Variants in TNS3 observed in about 807,000 individuals in gnomAD.
TNS3 encodes the protein tensin-3.
TNS3 carries 45 observed loss-of-function variants against 140.9 expected under a neutral mutation model. The observed-to-expected ratio is 0.32, with a 90% confidence interval of 0.25 to 0.41. The LOEUF (loss-of-function observed/expected upper bound fraction) is 0.41. Among genes scored for constraint, TNS3 ranks in the 10% least tolerant of loss-of-function variants. The pLI is 1.00. For synonymous variants in TNS3, 815 were observed against 788.4 expected (o/e 1.03, Z -0.56); for missense variants, 1,716 against 1,906.7 (o/e 0.90, Z 1.86).
intron 16 of TNS3, among the ~76,000 whole-genome samples, chr7:47,394,165 G>T (rs1223685467): frequency 6.6e-6 from 1 of 152,228 alleles, no homozygotes; most frequent in African/African-American, 2.4e-5. Context: ...ATTCATTCAA[G>T]AAACACGCAT....
chr7:47,398,239 A>C lies in TNS3; in HGVS notation c.920-1335T>G, dbSNP rs192154334. ...CTGAATTCTACCATCCATTCAAAGA[A>C]GAACTGGTGCCAATCCTACTGAACA... On this transcript the variant is annotated intron_variant, in intron 15 of 30. Transcript: ENST00000311160. 3.4e-3 allele frequency among the ~76,000 whole-genome samples: 520 copies of C among 152,294 alleles called. 2 individuals carry two copies. The highest frequency in any genetic ancestry group is 0.012 in the African/African-American group (500 of 41,576).
At chr7:47,435,997 G>C (rs1304810647) in intron 7 of TNS3, among the ~76,000 whole-genome samples, 2 of 152,160 alleles carry the variant, frequency 1.3e-5, no homozygotes, top group Admixed American at 6.5e-5. Context: ...GTCCACAGTG[G>C]CCCACAGTGG....
At chr7:47,516,801 G>T (rs138389823) in intron 2 of TNS3, among the ~76,000 whole-genome samples, 1 of 152,176 alleles carries the variant, frequency 6.6e-6, no homozygotes, top group Non-Finnish European at 1.5e-5. Flanking sequence ...AGTGGCTCAC[G>T]GCTATAATCC....
intron 16 of TNS3, among the ~76,000 whole-genome samples, chr7:47,389,286 G>A (rs570525293): frequency 5.3e-5 from 8 of 151,604 alleles, no homozygotes; most frequent in South Asian, 2.1e-4. Context: ...AGGACACCCC[G>A]TCCAGTGGGA....
chr7:47,400,378 C>T lies in TNS3; in HGVS notation c.919+15G>A, dbSNP rs1319390958. 1.2e-6 allele frequency: 2 copies of T among 1,613,418 alleles called. No homozygotes were observed. Among genetic ancestry groups the T allele is most frequent in the Admixed American group, 3.3e-5 (2 of 59,994 alleles). On this transcript the variant is annotated intron_variant, in intron 15 of 30. Transcript: ENST00000311160. ...TGTCAGCAAGGACCACCCAGTATTCCACCAAGCTACCCACCTTGAATCTTC... is the reference window on the plus strand; with the variant it reads ...TGTCAGCAAGGACCACCCAGTATTCTACCAAGCTACCCACCTTGAATCTTC...
At chr7:47,467,682 T>C (rs1796779068) in intron 4 of TNS3, among the ~76,000 whole-genome samples, 1 of 152,194 alleles carries the variant, frequency 6.6e-6, no homozygotes, top group African/African-American at 2.4e-5. Flanking sequence ...GAAACCGCCA[T>C]GGTACCTGCT....
At chr7:47,432,862 C>T (rs1794991261) in intron 8 of TNS3, among the ~76,000 whole-genome samples, 1 of 152,190 alleles carries the variant, frequency 6.6e-6, no homozygotes, top group Non-Finnish European at 1.5e-5. Flanking sequence ...GGCTCATGGA[C>T]TGTTACGTTT....
intron 3 of TNS3, among the ~76,000 whole-genome samples, chr7:47,494,141 T>C (rs187026510): frequency 5.9e-5 from 9 of 152,334 alleles, no homozygotes; most frequent in Admixed American, 2.0e-4. Context: ...ATCCTGCCAG[T>C]GGCATTCCTC....
intron 1 of TNS3, among the ~76,000 whole-genome samples, chr7:47,559,792 T>C (rs1001182785): frequency 4.6e-5 from 7 of 152,150 alleles, no homozygotes; most frequent in Admixed American, 1.3e-4. Context: ...ATCAGGGCAA[T>C]GGGCAGCCTG....
intron 4 of TNS3, among the ~76,000 whole-genome samples, chr7:47,451,074 C>T (rs1172473260): frequency 6.6e-6 from 1 of 152,168 alleles, no homozygotes; most frequent in Non-Finnish European, 1.5e-5. Flanking sequence ...GTGGAGGTTG[C>T]AGTGAGCCAA....
At chr7:47,374,071 A>T (rs567906250) in intron 16 of TNS3, among the ~76,000 whole-genome samples, 1 of 152,324 alleles carries the variant, frequency 6.6e-6, no homozygotes, top group South Asian at 2.1e-4. Flanking sequence ...CTGGTCTCCA[A>T]CTGATAATGA....
intron 2 of TNS3, among the ~76,000 whole-genome samples, chr7:47,528,675 A>G (rs1799287244): frequency 6.6e-6 from 1 of 152,266 alleles, no homozygotes; most frequent in Non-Finnish European, 1.5e-5. Flanking sequence ...TGAACCCGAA[A>G]TCTAAAGATA....
chr7:47,381,646 G>A (rs538974153), intron 16 of TNS3, among the ~76,000 whole-genome samples: 4 of 152,188 alleles, frequency 2.6e-5, no homozygotes, highest in African/African-American at 9.7e-5. Context: ...CACGCAGAGG[G>A]TAACAAATCT....
At chr7:47,384,619 C>T (rs1322036426) in intron 16 of TNS3, among the ~76,000 whole-genome samples, 1 of 152,240 alleles carries the variant, frequency 6.6e-6, no homozygotes, top group South Asian at 2.1e-4. Context: ...ACTTTGAAAG[C>T]CTTGAGCTCT....
chr7:47,509,464 TC>T (rs1798530798), intron 2 of TNS3, among the ~76,000 whole-genome samples: 1 of 152,060 alleles, frequency 6.6e-6, no homozygotes, highest in Admixed American at 6.6e-5. Context: ...CAAGATACTT[TC>T]CCGTATGTTA....
At chr7:47,491,295 T>G (rs6947086) in intron 3 of TNS3, among the ~76,000 whole-genome samples, 1 of 152,204 alleles carries the variant, frequency 6.6e-6, no homozygotes, top group Non-Finnish European at 1.5e-5. Context: ...CCAGAGTGAC[T>G]GGACAGAACC....
rs1404420490 is a variant in TNS3, at chr7:47,532,949, CA to C, written c.-264-3803del. ...AAAATTATTCAATTAATCTAAATGGCAAAAGGAAGTAAAACAAAGGCAGAAC... is the reference window on the plus strand; with the variant it reads ...AAAATTATTCAATTAATCTAAATGGCAAAGGAAGTAAAACAAAGGCAGAAC... On this transcript the variant is annotated intron_variant, in intron 1 of 30. Coordinates refer to ENST00000311160, the MANE Select transcript of TNS3 (RefSeq NM_022748.12). Among the ~76,000 whole-genome samples, 4 of 150,952 alleles carry C rather than the reference CA, an allele frequency of 2.6e-5. No homozygotes were observed. In the East Asian group the frequency reaches 7.8e-4, roughly 29 times the overall value.
chr7:47,408,232 T>C (rs1793555538), intron 13 of TNS3, among the ~76,000 whole-genome samples: 2 of 151,892 alleles, frequency 1.3e-5, no homozygotes, highest in South Asian at 4.2e-4. Context: ...TCACGGCCCC[T>C]CTCTGCCCTG....
chr7:47,291,942 T>C lies in TNS3; in HGVS notation c.3928+13A>G. On this transcript the variant is annotated intron_variant, in intron 27 of 30. Coordinates refer to ENST00000311160, the MANE Select transcript of TNS3 (RefSeq NM_022748.12). ...CAGTCACCAGATGTAGAAATGGAGCTGCATTTACTGACCTGCCCCCTGCTT... is the reference window on the plus strand; with the variant it reads ...CAGTCACCAGATGTAGAAATGGAGCCGCATTTACTGACCTGCCCCCTGCTT... 1 of 1,613,890 alleles carries C rather than the reference T, an allele frequency of 6.2e-7. No homozygotes were observed.
Sources: allele counts gnomAD v4.1 joint callset (sites outside exome capture counted in the v4.1 genomes callset), GRCh38; gene constraint gnomAD v4.1.1; transcripts MANE v1.5; gene names NCBI Gene and HGNC (gene_info 2026-07-23, HGNC 2026-07-21).